Variants in SMARCA2 observed in about 807,000 individuals in gnomAD.
The protein encoded by SMARCA2 is SWI/SNF-related matrix-associated actin-dependent regulator of chromatin subfamily A member 2.
In SMARCA2, 61 loss-of-function variants were observed where a neutral mutation model predicts 199.8. The ratio of observed to expected loss-of-function variants is 0.31; its 90% confidence interval spans 0.25 to 0.38. SMARCA2 has a LOEUF of 0.38. Ranked by LOEUF, SMARCA2 falls within the 10% of genes least tolerant of loss-of-function variation. The probability of loss-of-function intolerance (pLI) is 1.00; values close to 1 mark genes in which losing one functional copy is unlikely to be tolerated. For synonymous variants in SMARCA2, 935 were observed against 732.0 expected, an observed-to-expected ratio of 1.28 and a Z score of -4.48; for missense variants, 1,344 against 2,012.2, an observed-to-expected ratio of 0.67 and a Z score of 6.35.
intron 31 of SMARCA2, 36 bp downstream of exon 31, chr9:2,182,278 G>A: frequency 8.1e-7 from 1 of 1,231,926 alleles, no homozygotes; most frequent in Non-Finnish European, 1.2e-6. Flanking sequence ...GTTCTTAACT[G>A]TAAATGTGCC....
At chr9:2,152,284 G>T (rs539962127) in intron 27 of SMARCA2, among the ~76,000 whole-genome samples, 3 of 152,348 alleles carry the variant, frequency 2.0e-5, no homozygotes, top group South Asian at 2.1e-4. Context: ...GGGTGCCATG[G>T]CTCATGCCTG....
chr9:2,123,668 G>T lies in SMARCA2; in HGVS notation c.3763-51G>T. On this transcript the variant is annotated intron_variant, in intron 26 of 33. Transcript: ENST00000349721. The surrounding 1 kb of genome is among the most constrained non-coding windows in gnomAD (Gnocchi z 4.1). ...GAAGTTGTGTAGTGCTGGGAAGTCT[G>T]CACCATACAGAAGCCCTGACTTTCG... The T allele has an allele frequency of 1.3e-6, 2 of 1,514,916 alleles. No homozygotes were observed. Among genetic ancestry groups the T allele is most frequent in the Non-Finnish European group, 1.8e-6 (2 of 1,094,540 alleles). The allele number at this position is 1,514,916 out of a possible 1,614,324, so 93.8% of individuals were successfully genotyped here.
chr9:2,120,679 A>T (rs1273519161), intron 26 of SMARCA2, among the ~76,000 whole-genome samples: 1 of 152,170 alleles, frequency 6.6e-6, no homozygotes, highest in African/African-American at 2.4e-5. Flanking sequence ...TTGATTGTAT[A>T]TAATGATCCA....
chr9:2,023,010 G>A (rs1818672310), intron 1 of SMARCA2, among the ~76,000 whole-genome samples: 2 of 152,162 alleles, frequency 1.3e-5, no homozygotes, highest in Admixed American at 6.5e-5. Context: ...TAACACTTAG[G>A]TTTTCTCGTA....
In SMARCA2 at chr9:2,087,205, G is replaced by A. The variant is rs1821839374; in HGVS notation, c.2769+134G>A. ...GTTGTTTATTTTATGAAACCCATCGGTGGGTGGACATGGTCTTGTGGTGGG... is the reference window on the plus strand; with the variant it reads ...GTTGTTTATTTTATGAAACCCATCGATGGGTGGACATGGTCTTGTGGTGGG... On this transcript the variant is annotated intron_variant, in intron 18 of 33. Coordinates refer to ENST00000349721, the MANE Select transcript of SMARCA2 (RefSeq NM_003070.5). The A allele has an allele frequency of 5.6e-6, 6 of 1,069,262 alleles. No individual in the cohort carries two copies. The Admixed American group carries it at 1.1e-4, about 20-fold the overall frequency. The allele number at this position is 1,069,262 out of a possible 1,614,324, so 66.2% of individuals were successfully genotyped here.
At chr9:2,084,261 C>A in intron 17 of SMARCA2, 65 bp downstream of exon 17, 1 of 829,254 alleles carries the variant, frequency 1.2e-6, no homozygotes, top group Admixed American at 2.1e-5. Flanking sequence ...GAAGTATTGC[C>A]CAAGTCAGTA....
At chr9:2,088,378 T>G in intron 18 of SMARCA2, 122 bp from the exon 19 acceptor site, 1 of 1,132,664 alleles carries the variant, frequency 8.8e-7, no homozygotes, top group South Asian at 2.0e-5. Context: ...AGGCTTAAAC[T>G]TGGCTTTAAT....
At chr9:2,129,409 C>T (rs1586734677) in intron 27 of SMARCA2, among the ~76,000 whole-genome samples, 2 of 152,084 alleles carry the variant, frequency 1.3e-5, no homozygotes, top group African/African-American at 4.8e-5. Flanking sequence ...CACAGCGAGA[C>T]TCCATCTCGA....
intron 19 of SMARCA2, among the ~76,000 whole-genome samples, chr9:2,092,048 T>C (rs1405488488): frequency 6.6e-6 from 1 of 152,184 alleles, no homozygotes; most frequent in East Asian, 1.9e-4. Flanking sequence ...AATCCATTTC[T>C]TATGCACGGG....
At chr9:2,106,716 T>C (rs1348096161) in intron 23 of SMARCA2, among the ~76,000 whole-genome samples, 1 of 152,206 alleles carries the variant, frequency 6.6e-6, no homozygotes, top group Non-Finnish European at 1.5e-5. Context: ...AAGCAGAAAT[T>C]TTCTGCAAAG....
intron 27 of SMARCA2, among the ~76,000 whole-genome samples, chr9:2,141,798 G>A (rs1824472021): frequency 6.6e-6 from 1 of 152,172 alleles, no homozygotes; most frequent in African/African-American, 2.4e-5. Flanking sequence ...TGGGAGTTTA[G>A]TGAAAGTCAA....
intron 32 of SMARCA2, 118 bp from the exon 33 acceptor site, chr9:2,191,148 A>C: frequency 1.0e-6 from 1 of 959,802 alleles, no homozygotes; most frequent in South Asian, 1.5e-5. Flanking sequence ...TAAACCGGGA[A>C]TGTTCTGGGC....
At chr9:2,078,531 A>G (rs922022772) in intron 14 of SMARCA2, among the ~76,000 whole-genome samples, 2 of 152,006 alleles carry the variant, frequency 1.3e-5, no homozygotes, top group African/African-American at 4.8e-5. Flanking sequence ...AAATTAGGCC[A>G]TTGTTTTATT....
intron 22 of SMARCA2, among the ~76,000 whole-genome samples, chr9:2,103,725 T>A (rs1258398387): frequency 6.6e-6 from 1 of 151,774 alleles, no homozygotes; most frequent in African/African-American, 2.4e-5. Flanking sequence ...AGATTGAAAG[T>A]ATTAAGAACA....
intron 27 of SMARCA2, among the ~76,000 whole-genome samples, chr9:2,132,970 A>C (rs1212303997): frequency 6.6e-6 from 1 of 152,246 alleles, no homozygotes. Flanking sequence ...GTCTGACGGA[A>C]ATATACTAAA....
In SMARCA2 at chr9:2,158,160, CAAAAA is replaced by C. The variant is rs532618380; in HGVS notation, c.3982-3506_3982-3502del. On this transcript the variant is annotated intron_variant, in intron 27 of 33. Coordinates refer to ENST00000349721, the MANE Select transcript of SMARCA2 (RefSeq NM_003070.5). ...AAGAAAGAAAAGAGAGAAAGAGGGC[CAAAAA>C]AAAAAAAAAAAAAAAAAAAGGTTGC... 5.8e-3 allele frequency: 508 copies of C among 87,864 alleles called. 9 individuals are homozygous for C. The highest frequency in any genetic ancestry group is 0.047 in the East Asian group (123 of 2,612). The allele number at this position is 87,864 out of a possible 1,614,324, so 5.4% of individuals were successfully genotyped here.
chr9:2,084,300 C>T, intron 17 of SMARCA2, 104 bp downstream of exon 17: 2 of 585,518 alleles, frequency 3.4e-6, no homozygotes, highest in Non-Finnish European at 2.9e-6. Flanking sequence ...ATGGCTTGTC[C>T]TTTTCTTTAT....
intron 27 of SMARCA2, among the ~76,000 whole-genome samples, chr9:2,138,931 G>A (rs1473353272): frequency 1.3e-5 from 2 of 152,112 alleles, no homozygotes; most frequent in African/African-American, 4.8e-5. Flanking sequence ...GTTCTTAGCC[G>A]GAGTTTCTTT....
intron 32 of SMARCA2, among the ~76,000 whole-genome samples, chr9:2,188,607 ATTTAG>A (rs1428800337): frequency 1.3e-5 from 2 of 152,096 alleles, no homozygotes; most frequent in African/African-American, 2.4e-5. Flanking sequence ...CCATCCATCA[ATTTAG>A]TTTAATTTCT....
Sources: allele counts gnomAD v4.1 joint callset (sites outside exome capture counted in the v4.1 genomes callset), GRCh38; gene constraint gnomAD v4.1.1; non-coding constraint Gnocchi (gnomAD v3.1); transcripts MANE v1.5; gene names NCBI Gene and HGNC (gene_info 2026-07-23, HGNC 2026-07-21).